The following CATSPERT variants were observed in gnomAD, a reference collection of about 807,000 sequenced individuals.
CATSPERT encodes the protein catsper channel auxiliary subunit tau.
chr2:201,572,008 G>A, the CATSPERT span: 5 of 1,612,330 alleles, frequency 3.1e-6, no homozygotes, highest in Non-Finnish European at 3.4e-6. Flanking sequence ...GTAATTTTCT[G>A]AAGAGGTTTT....
At chr2:201,566,003 G>A in the CATSPERT span, 2 of 741,412 alleles carry the variant, frequency 2.7e-6, no homozygotes, top group Non-Finnish European at 3.9e-6. Flanking sequence ...GCCATCGAAG[G>A]CTAGAGCTAG....
At chr2:201,506,585 G>C in the CATSPERT span, among the ~76,000 whole-genome samples, 1 of 152,082 alleles carries the variant, frequency 6.6e-6, no homozygotes, top group Non-Finnish European at 1.5e-5. Context: ...ACGGAGTCTT[G>C]CTCTGTCATC....
the CATSPERT span, among the ~76,000 whole-genome samples, chr2:201,593,316 T>C: frequency 6.6e-6 from 1 of 151,840 alleles, no homozygotes; most frequent in East Asian, 1.9e-4. Context: ...TAATCCTGAG[T>C]TCTAGTTTGA....
chr2:201,565,591 A>C, the CATSPERT span: 2 of 860,668 alleles, frequency 2.3e-6, no homozygotes, highest in African/African-American at 1.8e-5. Flanking sequence ...TGAACCCATG[A>C]AACAACGGCA....
the CATSPERT span, among the ~76,000 whole-genome samples, chr2:201,518,631 G>A: frequency 1.3e-4 from 20 of 152,338 alleles, no homozygotes; most frequent in South Asian, 1.2e-3. Flanking sequence ...AGAGTACCAA[G>A]AGTCAGCTGT....
the CATSPERT span, chr2:201,493,491 ATCTAAT>A: frequency 2.0e-6 from 3 of 1,537,130 alleles, no homozygotes; most frequent in South Asian, 1.2e-5. Context: ...GGTGTTCTTT[ATCTAAT>A]TCTATCACTT....
chr2:201,556,487 G>A, the CATSPERT span, among the ~76,000 whole-genome samples: 5 of 143,578 alleles, frequency 3.5e-5, no homozygotes, highest in East Asian at 2.1e-4. Context: ...CAGCCTGGGC[G>A]ACAAAGCAAG....
the CATSPERT span, among the ~76,000 whole-genome samples, chr2:201,589,907 C>G: frequency 1.4e-4 from 21 of 152,050 alleles, no homozygotes; most frequent in African/African-American, 4.1e-4. Context: ...AACAAATTTA[C>G]AAGAAAAAAA....
chr2:201,547,832 C>T, the CATSPERT span, among the ~76,000 whole-genome samples: 1 of 152,010 alleles, frequency 6.6e-6, no homozygotes, highest in South Asian at 2.1e-4. Flanking sequence ...GGGATGTAAC[C>T]TCAGAAGGGT....
chr2:201,495,256 C>A, the CATSPERT span, among the ~76,000 whole-genome samples: 1 of 152,044 alleles, frequency 6.6e-6, no homozygotes, highest in African/African-American at 2.4e-5. Context: ...GGGCATATAT[C>A]ATCTACCTTT....
At chr2:201,574,581 CAT>C in the CATSPERT span, among the ~76,000 whole-genome samples, 4 of 152,104 alleles carry the variant, frequency 2.6e-5, no homozygotes, top group African/African-American at 7.2e-5. Context: ...GTGATTCAAA[CAT>C]GTGTATGAAT....
At chr2:201,610,606 A>G in the CATSPERT span, among the ~76,000 whole-genome samples, 3 of 152,338 alleles carry the variant, frequency 2.0e-5, no homozygotes, top group East Asian at 3.9e-4. Context: ...TCCCTGACAC[A>G]TTCTTTGAGG....
At chr2:201,493,635 A>C in the CATSPERT span, 2 of 1,537,242 alleles carry the variant, frequency 1.3e-6, no homozygotes, top group Non-Finnish European at 1.7e-6. Context: ...GTGATGACAA[A>C]CTTCTCTTCC....
At chr2:201,521,998 A>G in the CATSPERT span, among the ~76,000 whole-genome samples, 1 of 152,310 alleles carries the variant, frequency 6.6e-6, no homozygotes, top group Non-Finnish European at 1.5e-5. Context: ...ACTCAATTCA[A>G]TGTATTTAAT....
the CATSPERT span, chr2:201,574,067 A>C: frequency 2.0e-6 from 1 of 496,924 alleles, no homozygotes; most frequent in Non-Finnish European, 3.4e-6. Flanking sequence ...AGAAGCCCAC[A>C]TACCTCAAAG....
At chr2:201,574,755 C>A in the CATSPERT span, among the ~76,000 whole-genome samples, 4 of 152,116 alleles carry the variant, frequency 2.6e-5, no homozygotes, top group Non-Finnish European at 1.5e-5. Flanking sequence ...AGTCAAGTGT[C>A]CATCTTTCTG....
the CATSPERT span, among the ~76,000 whole-genome samples, chr2:201,524,351 G>A: frequency 6.6e-6 from 1 of 152,066 alleles, no homozygotes; most frequent in Admixed American, 6.5e-5. Context: ...TTCCAACCAG[G>A]AATTTTATAT....
chr2:201,590,485 C>T, the CATSPERT span, among the ~76,000 whole-genome samples: 1 of 151,790 alleles, frequency 6.6e-6, no homozygotes, highest in Non-Finnish European at 1.5e-5. Flanking sequence ...ATTTATAGTC[C>T]TTTGGGTATA....
chr2:201,563,411 G>A, the CATSPERT span, among the ~76,000 whole-genome samples: 2 of 109,010 alleles, frequency 1.8e-5, no homozygotes, highest in African/African-American at 6.8e-5. Flanking sequence ...CTGGCCGGGC[G>A]GGGGGCTGAC....
Sources: allele counts gnomAD v4.1 joint callset (sites outside exome capture counted in the v4.1 genomes callset), GRCh38; gene constraint gnomAD v4.1.1; transcripts MANE v1.5; gene names NCBI Gene and HGNC (gene_info 2026-07-23, HGNC 2026-07-21).